MARK3: variants seen among roughly 807,000 people sequenced by gnomAD.
The protein encoded by MARK3 is MAP/microtubule affinity-regulating kinase 3.
Under a neutral mutation model 90.1 loss-of-function variants are expected in MARK3, and 46 were observed. The observed-to-expected ratio is 0.51, with a 90% CI of 0.40 to 0.65. The LOEUF (loss-of-function observed/expected upper bound fraction) is 0.65, where lower values mean the gene tolerates loss of function less well. Among genes scored for constraint, MARK3 ranks in the 30% least tolerant of loss-of-function variants. The probability of loss-of-function intolerance (pLI) is 0.00; values close to 1 mark genes in which losing one functional copy is unlikely to be tolerated. For synonymous variants in MARK3, 321 were observed against 332.6 expected, an observed-to-expected ratio of 0.97 and a Z score of 0.38; for missense variants, 818 against 947.2, an observed-to-expected ratio of 0.86 and a Z score of 1.79.
chr14:103,496,022 T>A (rs2075317421), intron 15 of MARK3, among the ~76,000 whole-genome samples: 2 of 152,166 alleles, frequency 1.3e-5, no homozygotes, highest in Non-Finnish European at 2.9e-5. Context: ...TATGGGCTAT[T>A]TGTAGTCGGG....
intron 14 of MARK3, chr14:103,490,791 A>T (rs2094003320): frequency 4.4e-6 from 1 of 228,046 alleles, no homozygotes; most frequent in Admixed American, 6.0e-5. Context: ...ATAGGTTAGC[A>T]GTTGCTCCAG....
Position 103,491,928 on chromosome 14 carries a change from C to T in MARK3, c.1738C>T (p.Pro580Ser). 1 of 1,614,148 alleles carries T rather than the reference C, an allele frequency of 6.2e-7. No individual in the cohort carries two copies. The highest frequency in any genetic ancestry group is 8.5e-7 in the Non-Finnish European group (1 of 1,180,036). ...ACGGCGAACCGCAACATATAATGGCCCTCCTGCCTCTCCCAGCCTGTCCCA... is the reference window on the plus strand; with the variant it reads ...ACGGCGAACCGCAACATATAATGGCTCTCCTGCCTCTCCCAGCCTGTCCCA... The part of the protein sequence containing the change: ...RERRTATYNG[P>S]PASPSLSHEA... Residue 580 changes from proline (P) to serine (S), a missense_variant, in exon 15 of 18, where the codon CCT (proline) becomes TCT (serine). Around this residue, in one of 3 missense-constraint regions of MARK3, gnomAD observed 560 missense variants for 613.5 expected, o/e 0.91. Coordinates refer to ENST00000429436, the MANE Select transcript of MARK3 (RefSeq NM_001128918.3).
chr14:103,392,090 C>G (rs1171193048), intron 1 of MARK3, among the ~76,000 whole-genome samples: 1 of 152,136 alleles, frequency 6.6e-6, no homozygotes, highest in Non-Finnish European at 1.5e-5. Context: ...GCATCATGTA[C>G]TTATTATTAG....
chr14:103,390,911 G>A (rs1276481401), intron 1 of MARK3, among the ~76,000 whole-genome samples: 2 of 152,038 alleles, frequency 1.3e-5, no homozygotes, highest in Non-Finnish European at 2.9e-5. Context: ...AGATCTCCCT[G>A]TATTGCCCAA....
At chr14:103,398,721 A>G (rs113051051) in intron 1 of MARK3, among the ~76,000 whole-genome samples, 4 of 152,300 alleles carry the variant, frequency 2.6e-5, no homozygotes, top group East Asian at 1.9e-4. Context: ...TCCTTTTTCT[A>G]TGTTGAATGA....
At chr14:103,459,639 A>G (rs866385302) in intron 6 of MARK3, among the ~76,000 whole-genome samples, 2 of 151,456 alleles carry the variant, frequency 1.3e-5, no homozygotes, top group South Asian at 4.2e-4. Flanking sequence ...AGCTGGGATT[A>G]CAAGTGTGCA....
At chr14:103,460,442 C>T (rs887625486) in intron 6 of MARK3, among the ~76,000 whole-genome samples, 9 of 152,102 alleles carry the variant, frequency 5.9e-5, no homozygotes, top group East Asian at 1.9e-4. Flanking sequence ...GATGATTTGA[C>T]GCTCTTTTAT....
intron 15 of MARK3, among the ~76,000 whole-genome samples, chr14:103,494,761 C>G (rs766458627): frequency 6.6e-6 from 1 of 152,076 alleles, no homozygotes; most frequent in Non-Finnish European, 1.5e-5. Context: ...TTCAGCCTCC[C>G]GAGTGGCTGG....
chr14:103,496,216 G>T (rs1448651185), intron 15 of MARK3, among the ~76,000 whole-genome samples: 2 of 152,156 alleles, frequency 1.3e-5, no homozygotes, highest in African/African-American at 4.8e-5. Flanking sequence ...TACCTCAAGG[G>T]ATTATAGGAG....
At chr14:103,391,352 A>G (rs1485782776) in intron 1 of MARK3, among the ~76,000 whole-genome samples, 1 of 152,214 alleles carries the variant, frequency 6.6e-6, no homozygotes, top group Non-Finnish European at 1.5e-5. Flanking sequence ...AAGCAAATGC[A>G]GTATCATTTC....
intron 1 of MARK3, among the ~76,000 whole-genome samples, chr14:103,387,548 A>G (rs973927538): frequency 1.3e-5 from 2 of 150,700 alleles, no homozygotes; most frequent in Non-Finnish European, 3.0e-5. Context: ...GCTGGAGTGC[A>G]GTGGTGCGAT....
At chr14:103,472,346 C>A (rs1363294337) in intron 12 of MARK3, among the ~76,000 whole-genome samples, 2 of 151,742 alleles carry the variant, frequency 1.3e-5, no homozygotes, top group African/African-American at 4.8e-5. Context: ...AAAAGACTTA[C>A]AAATTTGATT....
At chr14:103,399,714 A>G (rs78589869) in intron 1 of MARK3, among the ~76,000 whole-genome samples, 35,860 of 81,548 alleles carry the variant, frequency 0.44, 5,416 homozygotes, top group East Asian at 0.62. Flanking sequence ...AAAAAAAAAG[A>G]AAAAAAAAAA....
At chr14:103,403,835 G>A (rs1024032189) in intron 1 of MARK3, among the ~76,000 whole-genome samples, 3 of 152,134 alleles carry the variant, frequency 2.0e-5, no homozygotes, top group African/African-American at 7.2e-5. Context: ...AATCATTTTT[G>A]TTAGAGGAAC....
At chr14:103,466,191 C>T in intron 9 of MARK3, 100 bp downstream of exon 9, 1 of 1,448,236 alleles carries the variant, frequency 6.9e-7, no homozygotes, top group Non-Finnish European at 9.4e-7. Context: ...TATCCTGCGG[C>T]TTTTTAAGCA....
Position 103,468,055 on chromosome 14 carries a change from C to G in MARK3, c.1133C>G (p.Ser378Cys). ...TAGCTGGATGCTAGTGATTCCAGTT[C>G]TAGCAGCAATCTTTCACTTGCTAAG... ...SSELDASDSS[S>C]SSNLSLAKVR... Residue 378 changes from serine to cysteine, a missense_variant, in exon 12 of 18, where the codon TCT becomes TGT. By Grantham distance (112) the Ser-to-Cys change is moderately radical. Transcript: ENST00000429436. 6.2e-7 allele frequency: 1 copy of G among 1,613,854 alleles called. No individual in the cohort carries two copies. Among genetic ancestry groups the G allele is most frequent in the Non-Finnish European group, 8.5e-7 (1 of 1,179,904 alleles).
intron 2 of MARK3, among the ~76,000 whole-genome samples, chr14:103,417,017 A>G (rs1376419564): frequency 1.3e-5 from 2 of 152,170 alleles, no homozygotes; most frequent in Non-Finnish European, 2.9e-5. Context: ...AATGTAATAG[A>G]ATTGCCAGGC....
intron 15 of MARK3, among the ~76,000 whole-genome samples, chr14:103,493,663 T>G (rs555930342): frequency 1.5e-4 from 23 of 151,912 alleles, no homozygotes; most frequent in Admixed American, 1.1e-3. Context: ...TCTCCTGAAG[T>G]CAGGAGTTTG....
chr14:103,494,251 A>AAT (rs1833826692), intron 15 of MARK3, among the ~76,000 whole-genome samples: 1 of 147,270 alleles, frequency 6.8e-6, no homozygotes, highest in Non-Finnish European at 1.5e-5. Flanking sequence ...AAAAAAAAAA[A>AAT]AAAAGACTAG....
Sources: allele counts gnomAD v4.1 joint callset (sites outside exome capture counted in the v4.1 genomes callset), GRCh38; gene constraint gnomAD v4.1.1; regional missense constraint gnomAD v4.1.1; transcripts MANE v1.5; gene names NCBI Gene and HGNC (gene_info 2026-07-23, HGNC 2026-07-21).